The following XRCC4 variants were observed in gnomAD, a reference collection of about 807,000 sequenced individuals.
XRCC4 encodes the protein X-ray repair cross complementing 4.
XRCC4 carries 28 observed loss-of-function variants against 39.1 expected under a neutral mutation model. The ratio of observed to expected loss-of-function variants is 0.72; its 90% CI spans 0.53 to 0.98. The LOEUF is 0.98. Ranked by LOEUF, XRCC4 falls within the 50% of genes least tolerant of loss-of-function variation. The pLI is 0.00. For synonymous variants in XRCC4, 123 were observed against 126.4 expected, an observed-to-expected ratio of 0.97 and a Z score of 0.18; for missense variants, 350 against 376.4, an observed-to-expected ratio of 0.93 and a Z score of 0.58.
intron 7 of XRCC4, among the ~76,000 whole-genome samples, chr5:83,302,257 C>CA (rs778098766): frequency 0.07 from 9,403 of 134,032 alleles, 768 homozygotes; most frequent in African/African-American, 0.21. Context: ...AATGGGGTAC[C>CA]AAAAAAAAAA....
In XRCC4 at chr5:83,183,997, A is replaced by G. The variant is rs528285180; in HGVS notation, c.316-11773A>G. Among the ~76,000 whole-genome samples the G allele has an allele frequency of 6.6e-5, 10 of 152,202 alleles. No homozygotes were observed. In the South Asian group the frequency reaches 2.1e-3, roughly 32 times the overall value. On this transcript the variant is annotated intron_variant, in intron 3 of 7. Transcript: ENST00000396027. ...GCAAAGTAAATATTACAAGTTTTTC[A>G]GGGGAATATTTTGAATTGAAATGTA...
intron 1 of XRCC4, among the ~76,000 whole-genome samples, chr5:83,103,300 G>T (rs1007477436): frequency 3.9e-5 from 6 of 151,916 alleles, no homozygotes; most frequent in Admixed American, 3.9e-4. Context: ...TTAACAAATG[G>T]ATGATGGTGA....
intron 7 of XRCC4, among the ~76,000 whole-genome samples, chr5:83,302,231 T>G (rs1371233873): frequency 6.6e-6 from 1 of 150,936 alleles, no homozygotes; most frequent in South Asian, 2.1e-4. Context: ...TCTGTCTCTC[T>G]GGTGTTCCAG....
intron 3 of XRCC4, among the ~76,000 whole-genome samples, chr5:83,117,625 A>C (rs1052758820): frequency 7.8e-5 from 11 of 141,398 alleles, no homozygotes; most frequent in Non-Finnish European, 1.4e-4. Flanking sequence ...GTAGAGCTAC[A>C]TATATATGTG....
rs1436963115 is a variant in XRCC4, at chr5:83,215,021, CTTATAT to C, written c.745+10106_745+10111del. On this transcript the variant is annotated intron_variant, in intron 6 of 7. Coordinates refer to ENST00000396027, the MANE Select transcript of XRCC4 (RefSeq NM_003401.5). ...AAGACTTAAGTAAATGGGAAAACATCTTATATTTATAGATTAGAAATTTAGTATTGT... is the reference window on the plus strand; with the variant it reads ...AAGACTTAAGTAAATGGGAAAACATCTTATAGATTAGAAATTTAGTATTGT... 5.9e-5 allele frequency among the ~76,000 whole-genome samples: 9 copies of C among 152,020 alleles called. No homozygotes were observed. In the East Asian group the frequency reaches 1.7e-3, roughly 30 times the overall value.
At chr5:83,146,653 GCCT>G (rs1242499049) in intron 3 of XRCC4, among the ~76,000 whole-genome samples, 1 of 152,092 alleles carries the variant, frequency 6.6e-6, no homozygotes, top group Admixed American at 6.5e-5. Flanking sequence ...CAAGCATAGT[GCCT>G]GGCAAATAGA....
intron 3 of XRCC4, among the ~76,000 whole-genome samples, chr5:83,146,253 A>G (rs1561361532): frequency 6.6e-6 from 1 of 152,208 alleles, no homozygotes; most frequent in Non-Finnish European, 1.5e-5. Context: ...ACTTCAGGAA[A>G]AAGTATCTAA....
chr5:83,159,559 A>T (rs1465103843), intron 3 of XRCC4, among the ~76,000 whole-genome samples: 2 of 152,200 alleles, frequency 1.3e-5, no homozygotes, highest in African/African-American at 4.8e-5. Flanking sequence ...TGTTCTGATG[A>T]TAGGTGAAAA....
intron 3 of XRCC4, among the ~76,000 whole-genome samples, chr5:83,145,827 T>A (rs977706518): frequency 3.3e-5 from 5 of 152,100 alleles, no homozygotes; most frequent in African/African-American, 1.2e-4. Context: ...AGAATCAATC[T>A]GCTTTCATTC....
chr5:83,273,497 A>G (rs1427470583), intron 7 of XRCC4, among the ~76,000 whole-genome samples: 4 of 152,168 alleles, frequency 2.6e-5, no homozygotes, highest in African/African-American at 7.2e-5. Context: ...GTCTTTGCCT[A>G]TGTCCTGAAT....
At chr5:83,119,739 A>G (rs1015967915) in intron 3 of XRCC4, among the ~76,000 whole-genome samples, 2 of 152,190 alleles carry the variant, frequency 1.3e-5, no homozygotes, top group East Asian at 1.9e-4. Context: ...TGGAAGGCCA[A>G]TGTGGGAGGA....
At chr5:83,136,773 TCA>T (rs1239503333) in intron 3 of XRCC4, among the ~76,000 whole-genome samples, 2 of 152,330 alleles carry the variant, frequency 1.3e-5, no homozygotes, top group East Asian at 3.9e-4. Flanking sequence ...TGAATTATAT[TCA>T]GTTATTTTCT....
intron 1 of XRCC4, among the ~76,000 whole-genome samples, chr5:83,089,552 C>T (rs761135573): frequency 6.6e-6 from 1 of 152,104 alleles, no homozygotes; most frequent in African/African-American, 2.4e-5. Context: ...TCAGATCCCA[C>T]AGGTTTGTGG....
chr5:83,258,036 C>G (rs1198154871), intron 6 of XRCC4, among the ~76,000 whole-genome samples: 3 of 152,056 alleles, frequency 2.0e-5, no homozygotes, highest in African/African-American at 7.2e-5. Flanking sequence ...CGGGGCCTGT[C>G]AGTGGGTGAG....
Position 83,138,560 on chromosome 5 carries a change from G to A in XRCC4, c.315+27357G>A, listed in dbSNP as rs144751928. 2.6e-4 allele frequency among the ~76,000 whole-genome samples: 38 copies of A among 143,774 alleles called. No homozygotes were observed. The East Asian group carries it at 4.5e-3, about 17-fold the overall frequency. 94.3% of individuals were successfully genotyped at this position (143,774 alleles called of 152,430 possible). On this transcript the variant is annotated intron_variant, in intron 3 of 7. Coordinates refer to ENST00000396027, the MANE Select transcript of XRCC4 (RefSeq NM_003401.5). ...AGTATACTATAAGCAAAGTATATTAGCAAAACCTAGCACACAACAAAAACT... is the reference window on the plus strand; with the variant it reads ...AGTATACTATAAGCAAAGTATATTAACAAAACCTAGCACACAACAAAAACT...
chr5:83,095,157 G>A (rs1745618485), intron 1 of XRCC4, among the ~76,000 whole-genome samples: 2 of 152,122 alleles, frequency 1.3e-5, no homozygotes, highest in South Asian at 4.1e-4. Flanking sequence ...CTTGCTTTTA[G>A]GTTCTGTAGA....
At chr5:83,089,708 T>C (rs1428485923) in intron 1 of XRCC4, among the ~76,000 whole-genome samples, 3 of 150,992 alleles carry the variant, frequency 2.0e-5, no homozygotes, top group African/African-American at 7.4e-5. Context: ...GCTGGGAATG[T>C]TACATGTCTT....
chr5:83,267,020 T>C (rs1325171683), intron 7 of XRCC4, among the ~76,000 whole-genome samples: 1 of 152,210 alleles, frequency 6.6e-6, no homozygotes, highest in Non-Finnish European at 1.5e-5. Context: ...CTATCTTTAA[T>C]ATGTATATGG....
intron 3 of XRCC4, among the ~76,000 whole-genome samples, chr5:83,128,097 A>G (rs62372749): frequency 0.34 from 50,984 of 151,762 alleles, 9,407 homozygotes; most frequent in Non-Finnish European, 0.42. Context: ...TACATTAGGT[A>G]TATCTCCTAA....
Sources: allele counts gnomAD v4.1 joint callset (sites outside exome capture counted in the v4.1 genomes callset), GRCh38; gene constraint gnomAD v4.1.1; transcripts MANE v1.5; gene names NCBI Gene and HGNC (gene_info 2026-07-23, HGNC 2026-07-21).